Variants in NEK11 observed in about 807,000 individuals in gnomAD.
NEK11 encodes NIMA related kinase 11, also known as serine/threonine-protein kinase Nek11.
Under a neutral mutation model 80.7 loss-of-function variants are expected in NEK11, and 72 were observed. That is an observed-to-expected ratio of 0.89 (90% CI 0.74 to 1.08). The LOEUF (loss-of-function observed/expected upper bound fraction) is 1.08. Ranked by LOEUF, NEK11 falls within the 50% of genes least tolerant of loss-of-function variation. NEK11 has a pLI of 0.00. For missense variants in NEK11, 764 were observed against 763.6 expected (o/e 1.00, Z -0.01); for synonymous variants, 251 against 260.7 (o/e 0.96, Z 0.36).
intron 17 of NEK11, among the ~76,000 whole-genome samples, chr3:131,333,296 G>T (rs932688894): frequency 6.6e-6 from 1 of 152,006 alleles, no homozygotes; most frequent in African/African-American, 2.4e-5. Flanking sequence ...AGCCAGAAGA[G>T]AGTGGGGGCC....
chr3:131,256,444 A>T (rs1485951158), intron 16 of NEK11, among the ~76,000 whole-genome samples: 2 of 152,208 alleles, frequency 1.3e-5, no homozygotes, highest in South Asian at 4.1e-4. Context: ...TTACTCTAAC[A>T]TAGGTCTTCT....
At chr3:131,032,655 C>A (rs1560099437) in intron 3 of NEK11, among the ~76,000 whole-genome samples, 2 of 152,160 alleles carry the variant, frequency 1.3e-5, no homozygotes, top group Non-Finnish European at 2.9e-5. Flanking sequence ...TAAAGCCAGG[C>A]CTGTTCTTAA....
intron 3 of NEK11, chr3:131,053,803 A>G (rs931351717): frequency 6.6e-6 from 1 of 152,260 alleles, no homozygotes; most frequent in Non-Finnish European, 1.5e-5. Flanking sequence ...ATTTAACTAT[A>G]AGACTGTGTA....
rs776524727 is a variant in NEK11 at position 131,168,872 on chromosome 3, C to A, written c.1219C>A (p.Pro407Thr). The stretch of plus-strand genomic sequence containing the variant: ...AGGAATGGAAGAAAAGGAGGAGCAA[C>A]CTGAGGGAAGACTTTCTTGTTCACC... The part of the protein sequence containing the change: ...LKGMEEKEEQ[P>T]EGRLSCSPQD... Residue 407 changes from proline to threonine, a missense_variant, in exon 13 of 18, where the codon CCT becomes ACT. Pro to Thr is a conservative substitution (Grantham distance 38, BLOSUM62 -1). Transcript: ENST00000383366. 5 of 1,613,730 alleles carry A rather than the reference C, an allele frequency of 3.1e-6. No individual in the cohort carries two copies. The highest frequency in any genetic ancestry group is 3.3e-5 in the Admixed American group (2 of 59,984).
At chr3:131,155,204 C>T in intron 10 of NEK11, 83 bp downstream of exon 10, 1 of 844,408 alleles carries the variant, frequency 1.2e-6, no homozygotes, top group Non-Finnish European at 1.9e-6. Flanking sequence ...TAGCACTAAA[C>T]TGACTGCATC....
At chr3:131,241,783 A>G (rs2095523028) in intron 15 of NEK11, among the ~76,000 whole-genome samples, 1 of 152,156 alleles carries the variant, frequency 6.6e-6, no homozygotes, top group South Asian at 2.1e-4. Flanking sequence ...TATAGCATAC[A>G]TATATAGTAT....
chr3:131,278,564 T>G (rs887143300), intron 17 of NEK11, among the ~76,000 whole-genome samples: 1 of 152,088 alleles, frequency 6.6e-6, no homozygotes. Flanking sequence ...TTTTGTTTTT[T>G]TTTGTTTTTT....
rs1409883398 is a variant in NEK11 at position 131,162,476 on chromosome 3, G to A, written c.1031G>A (p.Arg344Lys). The change falls in exon 11 of 18, where the codon AGG becomes AAG. Residue 344 changes from arginine (R) to lysine (K), a missense_variant. Transcript: ENST00000383366. Reference protein sequence around the residue: ...SEVQKMTPRERMRLRKLQAAD... With the variant: ...SEVQKMTPREKMRLRKLQAAD... Reference sequence around the variant, plus strand: ...GTACAGAAAATGACGCCAAGAGAAAGGATGCGGCTGAGGAAGCTCCAGGCG... The same window carrying A: ...GTACAGAAAATGACGCCAAGAGAAAAGATGCGGCTGAGGAAGCTCCAGGCG... 8 of 1,614,024 alleles carry A rather than the reference G, an allele frequency of 5.0e-6. No homozygotes were observed. The highest frequency in any genetic ancestry group is 6.8e-6 in the Non-Finnish European group (8 of 1,179,980).
At chr3:131,044,443 A>AGG (rs2067041653) in intron 3 of NEK11, among the ~76,000 whole-genome samples, 3 of 83,666 alleles carry the variant, frequency 3.6e-5, no homozygotes, top group East Asian at 8.2e-4. Context: ...AAAAAAAAAA[A>AGG]GGTGGGGGGG....
chr3:131,308,358 T>C (rs1468230697), intron 17 of NEK11, among the ~76,000 whole-genome samples: 2 of 152,224 alleles, frequency 1.3e-5, no homozygotes, highest in African/African-American at 4.8e-5. Context: ...AGTTCTTAAC[T>C]CAGAATTGTC....
At chr3:131,215,324 AT>A (rs1233425601) in intron 14 of NEK11, among the ~76,000 whole-genome samples, 1 of 151,816 alleles carries the variant, frequency 6.6e-6, no homozygotes, top group Non-Finnish European at 1.5e-5. Flanking sequence ...CCTAATGTAA[AT>A]GACGAGTTAA....
intron 6 of NEK11, 104 bp downstream of exon 6, chr3:131,132,913 A>G: frequency 1.7e-6 from 1 of 571,536 alleles, no homozygotes; most frequent in East Asian, 3.2e-5. Flanking sequence ...TAGAGTAATC[A>G]TTGGTTTGTT....
intron 14 of NEK11, among the ~76,000 whole-genome samples, chr3:131,182,527 G>A (rs148951444): frequency 3.9e-5 from 6 of 152,234 alleles, no homozygotes; most frequent in East Asian, 1.9e-4. Flanking sequence ...CACATGTGGG[G>A]ATATATTTAT....
chr3:131,228,147 A>G (rs1039258731), intron 14 of NEK11, among the ~76,000 whole-genome samples: 2 of 152,116 alleles, frequency 1.3e-5, no homozygotes, highest in Non-Finnish European at 2.9e-5. Context: ...TAAAAACTTT[A>G]TGTGTGTTGT....
chr3:131,308,523 T>C (rs1289465629), intron 17 of NEK11, among the ~76,000 whole-genome samples: 4 of 152,178 alleles, frequency 2.6e-5, no homozygotes, highest in Non-Finnish European at 4.4e-5. Flanking sequence ...TACACCCCTG[T>C]CTTTAAGAAT....
intron 3 of NEK11, among the ~76,000 whole-genome samples, chr3:131,076,961 T>C (rs897722669): frequency 2.0e-5 from 3 of 152,238 alleles, no homozygotes; most frequent in African/African-American, 7.2e-5. Flanking sequence ...ATGTGAAAAT[T>C]TGGAGAAAAG....
chr3:131,129,162 C>T (rs772959074), intron 5 of NEK11, among the ~76,000 whole-genome samples: 11 of 151,310 alleles, frequency 7.3e-5, no homozygotes, highest in South Asian at 2.1e-4. Flanking sequence ...GCCATTCTCC[C>T]GCCTCAGCCT....
chr3:131,298,760 C>T (rs1443677795), intron 17 of NEK11, among the ~76,000 whole-genome samples: 9 of 151,914 alleles, frequency 5.9e-5, no homozygotes, highest in Admixed American at 3.9e-4. Flanking sequence ...ACTTAGTGAT[C>T]TCTAAGCTTC....
At chr3:131,310,974 T>TA (rs1320503289) in intron 17 of NEK11, among the ~76,000 whole-genome samples, 1 of 152,204 alleles carries the variant, frequency 6.6e-6, no homozygotes, top group East Asian at 1.9e-4. Context: ...AGGAAATATC[T>TA]ATTGACCCTG....
Sources: gnomAD v4.1 joint callset for allele counts (sites outside exome capture counted in the v4.1 genomes callset) on GRCh38, gnomAD v4.1.1 for gene constraint, MANE v1.5 for transcripts, NCBI Gene and HGNC (gene_info 2026-07-23, HGNC 2026-07-21) for gene names.